The following CACNA1C variants were observed in gnomAD, a reference collection of about 807,000 sequenced individuals.
The protein encoded by CACNA1C is voltage-dependent L-type calcium channel subunit alpha-1C.
A neutral mutation model predicts 229.0 loss-of-function variants in CACNA1C; 30 were observed. The observed-to-expected ratio is 0.13, with a 90% CI of 0.10 to 0.18. The LOEUF (loss-of-function observed/expected upper bound fraction) is 0.18, where lower values mean the gene tolerates loss of function less well. Ranked by LOEUF, CACNA1C falls within the 10% of genes least tolerant of loss-of-function variation. The pLI is 1.00. For missense variants in CACNA1C, 1,658 were observed against 2,845.0 expected, an observed-to-expected ratio of 0.58 and a Z score of 9.49; for synonymous variants, 1,114 against 1,132.5, an observed-to-expected ratio of 0.98 and a Z score of 0.33.
At chr12:2,590,231 G>T (rs1191259392) in intron 18 of CACNA1C, among the ~76,000 whole-genome samples, 4 of 152,170 alleles carry the variant, frequency 2.6e-5, no homozygotes, top group African/African-American at 9.7e-5. Flanking sequence ...GGGGGGCAAG[G>T]GTTGCCAAGG....
intron 3 of CACNA1C, among the ~76,000 whole-genome samples, chr12:2,272,642 A>C (rs2085601445): frequency 6.6e-6 from 1 of 151,996 alleles, no homozygotes; most frequent in African/African-American, 2.4e-5. Flanking sequence ...TAGAGCAGTC[A>C]CTCCAAGGCA....
At chr12:2,563,832 G>A (rs945646260) in intron 11 of CACNA1C, among the ~76,000 whole-genome samples, 2 of 152,258 alleles carry the variant, frequency 1.3e-5, no homozygotes, top group African/African-American at 4.8e-5. Context: ...GCTGAGGGCA[G>A]TGCACACAGC....
chr12:2,509,117 C>G (rs2099777967), intron 8 of CACNA1C, among the ~76,000 whole-genome samples: 1 of 152,186 alleles, frequency 6.6e-6, no homozygotes, highest in African/African-American at 2.4e-5. Flanking sequence ...CATCCCTTTT[C>G]CCACTGGGAG....
intron 9 of CACNA1C, among the ~76,000 whole-genome samples, chr12:2,528,662 A>G (rs966880975): frequency 6.6e-6 from 1 of 152,256 alleles, no homozygotes; most frequent in Admixed American, 6.5e-5. Context: ...AAGGCAGCCA[A>G]GCAAGGAGAT....
At chr12:2,449,844 G>A (rs1011251920) in intron 4 of CACNA1C, among the ~76,000 whole-genome samples, 8 of 152,220 alleles carry the variant, frequency 5.3e-5, no homozygotes, top group Admixed American at 1.3e-4. Flanking sequence ...CAGCTCGTCC[G>A]TGAGCATGCA....
At chr12:2,667,714 C>T (rs2096282720) in intron 37 of CACNA1C, among the ~76,000 whole-genome samples, 1 of 152,176 alleles carries the variant, frequency 6.6e-6, no homozygotes, top group Non-Finnish European at 1.5e-5. Flanking sequence ...CCTGGGCAGG[C>T]TGAAGCCTGG....
rs974708193 is a variant in CACNA1C at position 2,639,322 on chromosome 12, C to G, written c.3912+4942C>G. On this transcript the variant is annotated intron_variant, in intron 30 of 46. Transcript: ENST00000399655. The surrounding 1 kb of genome is among the most constrained non-coding windows in gnomAD (Gnocchi z 4.2). ...TTCCTGTGATTGTTCGTGAAAGTTA[C>G]TACAGCACCAGAAACTGCTCCCTAA... Among the ~76,000 whole-genome samples the G allele has an allele frequency of 5.3e-5, 8 of 152,230 alleles. No homozygotes were observed. Among genetic ancestry groups the G allele is most frequent in the East Asian group, 1.9e-4 (1 of 5,196 alleles).
chr12:2,543,517 G>A (rs920829990), intron 9 of CACNA1C, among the ~76,000 whole-genome samples: 2 of 152,132 alleles, frequency 1.3e-5, no homozygotes, highest in South Asian at 2.1e-4. Flanking sequence ...GTAATCCCTT[G>A]GTAATAGGAA....
At chr12:2,420,109 G>GTC (rs2098961940) in intron 3 of CACNA1C, among the ~76,000 whole-genome samples, 1 of 144,152 alleles carries the variant, frequency 6.9e-6, no homozygotes, top group Non-Finnish European at 1.5e-5. Flanking sequence ...AATGGTGTGT[G>GTC]TGTGTGTGTG....
intron 1 of CACNA1C, among the ~76,000 whole-genome samples, chr12:2,028,112 A>G (rs541562821): frequency 6.6e-6 from 1 of 152,380 alleles, no homozygotes; most frequent in East Asian, 1.9e-4. Context: ...CACAGTGTTA[A>G]AGAATGCCTA....
At position 2,653,788 on chromosome 12, in the gene CACNA1C, G is replaced by A. The variant is rs2095257562; in HGVS notation, c.4075-47G>A. 1.3e-6 allele frequency: 2 copies of A among 1,547,380 alleles called. No homozygotes were observed. Among genetic ancestry groups the A allele is most frequent in the Middle Eastern group, 1.7e-4 (1 of 5,954 alleles). On this transcript the variant is annotated intron_variant, in intron 32 of 46. Transcript: ENST00000399655. The surrounding 1 kb of genome is among the most constrained non-coding windows in gnomAD (Gnocchi z 4.7). The stretch of plus-strand genomic sequence containing the variant: ...GCGCTCCCTGGGAAGGGGCCCAGCT[G>A]GCCTCTGCACTCCAGCCTCATGGGA...
chr12:2,061,018 A>G (rs1284484521), intron 1 of CACNA1C, among the ~76,000 whole-genome samples: 1 of 152,236 alleles, frequency 6.6e-6, no homozygotes, highest in Non-Finnish European at 1.5e-5. Context: ...AAAAGTAACA[A>G]AGTAAATAGC....
intron 9 of CACNA1C, among the ~76,000 whole-genome samples, chr12:2,532,869 G>T (rs374848780): frequency 6.6e-6 from 1 of 152,208 alleles, no homozygotes; most frequent in East Asian, 1.9e-4. Context: ...ATTTCAAGTC[G>T]ATTTCAGGAT....
At chr12:2,227,460 T>A (rs2063356415) in intron 3 of CACNA1C, among the ~76,000 whole-genome samples, 1 of 152,230 alleles carries the variant, frequency 6.6e-6, no homozygotes, top group Non-Finnish European at 1.5e-5. Flanking sequence ...AAGACAATGC[T>A]ATTGTCCTGT....
chr12:2,397,244 A>G (rs2098600464), intron 3 of CACNA1C, among the ~76,000 whole-genome samples: 3 of 152,248 alleles, frequency 2.0e-5, no homozygotes, highest in African/African-American at 7.2e-5. Flanking sequence ...CAAGAAGAGT[A>G]AACAGGTATT....
At chr12:2,250,044 G>A (rs1188805767) in intron 3 of CACNA1C, among the ~76,000 whole-genome samples, 6 of 152,080 alleles carry the variant, frequency 3.9e-5, no homozygotes, top group African/African-American at 1.2e-4. Context: ...TCCTGACCTC[G>A]TGATCCACCT....
chr12:1,974,476 A>G (rs2154459953), intron 1 of CACNA1C, among the ~76,000 whole-genome samples: 1 of 152,248 alleles, frequency 6.6e-6, no homozygotes, highest in South Asian at 2.1e-4. Flanking sequence ...ACACTAATGT[A>G]CTCGTTTAAT....
In CACNA1C at chr12:2,606,504, C is replaced by G. The variant is rs978348811; in HGVS notation, c.3157-107C>G. 53 of 912,232 alleles carry G rather than the reference C, an allele frequency of 5.8e-5. No homozygotes were observed. In the Admixed American group the frequency reaches 1.0e-3, roughly 18 times the overall value. 56.5% of individuals were successfully genotyped at this position (912,232 alleles called of 1,614,324 possible). A position where few individuals can be genotyped will look rare whatever the true frequency, so the allele number is the denominator to read the frequency against. On this transcript the variant is annotated intron_variant, in intron 24 of 46. Transcript: ENST00000399655. ...CCCATCTGGATTCTGCACTTTTTAT[C>G]CCACTGTCCCTAGCACAGTGCTGGG...
intron 3 of CACNA1C, among the ~76,000 whole-genome samples, chr12:2,135,617 T>C (rs1363785116): frequency 2.2e-5 from 3 of 138,626 alleles, no homozygotes; most frequent in Admixed American, 1.4e-4. Context: ...GTTAGGCTGC[T>C]CAGGGGTCAG....
Sources: allele counts gnomAD v4.1 joint callset (sites outside exome capture counted in the v4.1 genomes callset), GRCh38; gene constraint gnomAD v4.1.1; non-coding constraint Gnocchi (gnomAD v3.1); transcripts MANE v1.5; gene names NCBI Gene and HGNC (gene_info 2026-07-23, HGNC 2026-07-21).